SORCS1: variants seen among roughly 807,000 people sequenced by gnomAD.
SORCS1 encodes VPS10 domain-containing receptor SorCS1.
Under a neutral mutation model 146.1 loss-of-function variants are expected in SORCS1, and 60 were observed. The observed-to-expected ratio is 0.41, with a 90% confidence interval of 0.33 to 0.51. The LOEUF is 0.51. Ranked by LOEUF, SORCS1 falls within the 20% of genes least tolerant of loss-of-function variation. SORCS1 has a pLI of 0.21. For synonymous variants in SORCS1, 637 were observed against 584.0 expected, an observed-to-expected ratio of 1.09 and a Z score of -1.31; for missense variants, 1,352 against 1,487.6, an observed-to-expected ratio of 0.91 and a Z score of 1.50.
chr10:107,150,459 G>C (rs1158076766), intron 1 of SORCS1, among the ~76,000 whole-genome samples: 1 of 152,222 alleles, frequency 6.6e-6, no homozygotes, highest in African/African-American at 2.4e-5. Flanking sequence ...TGCAAGAGTG[G>C]CTACCTGTGC....
chr10:106,873,115 A>C (rs1004248542), intron 2 of SORCS1, among the ~76,000 whole-genome samples: 2 of 151,864 alleles, frequency 1.3e-5, no homozygotes. Flanking sequence ...CAGAGGTTGC[A>C]ATGAGCCGAG....
chr10:106,809,666 C>T (rs987600166), intron 3 of SORCS1, among the ~76,000 whole-genome samples: 19 of 152,088 alleles, frequency 1.2e-4, no homozygotes, highest in Non-Finnish European at 2.8e-4. Flanking sequence ...CACAGACTCC[C>T]CTTCACTATA....
chr10:106,939,071 C>A (rs1185933254), intron 2 of SORCS1, among the ~76,000 whole-genome samples: 1 of 152,070 alleles, frequency 6.6e-6, no homozygotes, highest in Admixed American at 6.6e-5. Context: ...GTGATAGATT[C>A]CTAATTGGGA....
chr10:106,919,897 T>C (rs564854690), intron 2 of SORCS1, among the ~76,000 whole-genome samples: 2 of 152,326 alleles, frequency 1.3e-5, no homozygotes, highest in African/African-American at 4.8e-5. Context: ...TTAAACAATA[T>C]AGTCATGCTA....
rs192064268 is a variant in SORCS1, at chr10:106,933,953, G to A, written c.626+22560C>T. Among the ~76,000 whole-genome samples the A allele has an allele frequency of 4.1e-3, 620 of 152,084 alleles. 4 individuals carry two copies. The highest frequency in any genetic ancestry group is 4.9e-3 in the Non-Finnish European group (332 of 67,976). ...TACTAAAAATACAAAAATTAGCTGA[G>A]CATGGTGATGCATGCCTGTAATCCC... On this transcript the variant is annotated intron_variant, in intron 2 of 25. Transcript: ENST00000263054.
At position 106,869,930 on chromosome 10, in the gene SORCS1, T is replaced by C. The variant is rs187953135; in HGVS notation, c.627-40257A>G. Reference sequence around the variant, plus strand: ...GCTGTTTGAAGATGACATGATTCTATACGTAGAAAACCCCATAATTTTGGC... The same window carrying C: ...GCTGTTTGAAGATGACATGATTCTACACGTAGAAAACCCCATAATTTTGGC... On this transcript the variant is annotated intron_variant, in intron 2 of 25. Transcript: ENST00000263054. Among the ~76,000 whole-genome samples, 3 of 152,234 alleles carry C rather than the reference T, an allele frequency of 2.0e-5. No individual in the cohort carries two copies. The East Asian group carries it at 5.8e-4, about 29-fold the overall frequency.
chr10:106,856,885 A>T (rs534820689), intron 2 of SORCS1, among the ~76,000 whole-genome samples: 1 of 152,194 alleles, frequency 6.6e-6, no homozygotes, highest in Non-Finnish European at 1.5e-5. Context: ...GGTCTTTCCA[A>T]TTCGGGGGAC....
chr10:106,716,591 T>A (rs776288614), intron 6 of SORCS1, among the ~76,000 whole-genome samples: 1 of 152,234 alleles, frequency 6.6e-6, no homozygotes, highest in South Asian at 2.1e-4. Context: ...AACTCCTGGC[T>A]GATTCCCTAT....
chr10:106,774,511 C>CA (rs1300229149), intron 4 of SORCS1, among the ~76,000 whole-genome samples: 5 of 151,114 alleles, frequency 3.3e-5, no homozygotes, highest in African/African-American at 1.2e-4. Context: ...GAAAAATTTG[C>CA]AATTTTGTAA....
At chr10:106,651,114 A>G (rs1290028505) in intron 18 of SORCS1, among the ~76,000 whole-genome samples, 1 of 152,190 alleles carries the variant, frequency 6.6e-6, no homozygotes, top group Admixed American at 6.5e-5. Context: ...TCAAGGAGAT[A>G]ATCAGGAAAG....
intron 2 of SORCS1, among the ~76,000 whole-genome samples, chr10:106,843,083 A>C (rs1217772365): frequency 6.6e-6 from 1 of 152,226 alleles, no homozygotes; most frequent in African/African-American, 2.4e-5. Context: ...CCATTACCTC[A>C]AACATTAACT....
At chr10:107,010,117 A>G (rs1352055926) in intron 1 of SORCS1, among the ~76,000 whole-genome samples, 1 of 152,206 alleles carries the variant, frequency 6.6e-6, no homozygotes, top group Non-Finnish European at 1.5e-5. Flanking sequence ...GTCATCCACA[A>G]CACCTGTTTT....
chr10:106,855,752 T>G (rs1949762690), intron 2 of SORCS1, among the ~76,000 whole-genome samples: 1 of 152,240 alleles, frequency 6.6e-6, no homozygotes, highest in Non-Finnish European at 1.5e-5. Flanking sequence ...ATCTCTCTGA[T>G]GACATTATCC....
At chr10:107,086,738 A>C (rs1454937652) in intron 1 of SORCS1, among the ~76,000 whole-genome samples, 2 of 152,240 alleles carry the variant, frequency 1.3e-5, no homozygotes, top group Non-Finnish European at 2.9e-5. Context: ...CCTAGAAAAT[A>C]TTACCAGACA....
At chr10:106,917,480 C>T (rs1021276819) in intron 2 of SORCS1, among the ~76,000 whole-genome samples, 26 of 152,062 alleles carry the variant, frequency 1.7e-4, no homozygotes, top group African/African-American at 5.1e-4. Context: ...TTAGTATCCC[C>T]GATGGTACTA....
chr10:107,086,514 C>G (rs976301227), intron 1 of SORCS1, among the ~76,000 whole-genome samples: 1 of 152,192 alleles, frequency 6.6e-6, no homozygotes, highest in African/African-American at 2.4e-5. Flanking sequence ...AATTAGGAAT[C>G]AAGTAGGTCT....
At chr10:106,816,722 C>G (rs763921877) in intron 3 of SORCS1, among the ~76,000 whole-genome samples, 12 of 151,866 alleles carry the variant, frequency 7.9e-5, no homozygotes, top group Non-Finnish European at 1.3e-4. Context: ...CATACATTTT[C>G]TTTTGCAGGT....
intron 2 of SORCS1, among the ~76,000 whole-genome samples, chr10:106,914,929 TCAGTGGTGC>T (rs2138300878): frequency 1.3e-5 from 2 of 152,270 alleles, no homozygotes; most frequent in Admixed American, 1.3e-4. Flanking sequence ...CAGTTTCCAA[TCAGTGGTGC>T]TGACAGCTGG....
At chr10:106,817,368 T>A (rs1947795477) in intron 3 of SORCS1, among the ~76,000 whole-genome samples, 1 of 152,206 alleles carries the variant, frequency 6.6e-6, no homozygotes, top group South Asian at 2.1e-4. Flanking sequence ...GGGCCCTTTT[T>A]AGAAAGTAGT....
Sources: gnomAD v4.1 joint callset for allele counts (sites outside exome capture counted in the v4.1 genomes callset) on GRCh38, gnomAD v4.1.1 for gene constraint, MANE v1.5 for transcripts, NCBI Gene and HGNC (gene_info 2026-07-23, HGNC 2026-07-21) for gene names.